RBFOX1: variants seen among roughly 807,000 people sequenced by gnomAD.
RBFOX1 encodes the protein RNA binding protein fox-1 homolog 1.
In RBFOX1, 8 loss-of-function variants were observed where a neutral mutation model predicts 57.7. That is an observed-to-expected ratio of 0.14 (90% CI 0.08 to 0.25). The LOEUF (loss-of-function observed/expected upper bound fraction) is 0.25, where lower values mean the gene tolerates loss of function less well. Among genes scored for constraint, RBFOX1 ranks in the 10% least tolerant of loss-of-function variants. The pLI is 1.00. For missense variants in RBFOX1, 611 were observed against 548.5 expected, an observed-to-expected ratio of 1.11 and a Z score of -1.14; for synonymous variants, 326 against 222.4, an observed-to-expected ratio of 1.47 and a Z score of -4.15.
intron 3 of RBFOX1, among the ~76,000 whole-genome samples, chr16:7,019,944 C>T (rs1221847478): frequency 1.3e-5 from 2 of 152,012 alleles, no homozygotes; most frequent in African/African-American, 4.8e-5. Flanking sequence ...TTGTTCTCTC[C>T]ACCTGAAACT....
chr16:5,493,596 T>C (rs1307367148), intron 2 of RBFOX1, among the ~76,000 whole-genome samples: 1 of 152,232 alleles, frequency 6.6e-6, no homozygotes, highest in East Asian at 1.9e-4. Context: ...CATACACACC[T>C]ATCATGGGCA....
chr16:6,028,835 A>C (rs763707651), intron 1 of RBFOX1, among the ~76,000 whole-genome samples: 1 of 152,216 alleles, frequency 6.6e-6, no homozygotes, highest in Non-Finnish European at 1.5e-5. Flanking sequence ...TTGGAGTCAG[A>C]AAAGCTTTGA....
intron 2 of RBFOX1, among the ~76,000 whole-genome samples, chr16:6,480,642 A>T (rs1051451901): frequency 6.6e-6 from 1 of 152,216 alleles, no homozygotes; most frequent in African/African-American, 2.4e-5. Flanking sequence ...GTACATTCAC[A>T]AATATTTATA....
chr16:7,633,865 G>A (rs2061358532), intron 11 of RBFOX1, among the ~76,000 whole-genome samples: 2 of 152,118 alleles, frequency 1.3e-5, no homozygotes, highest in African/African-American at 4.8e-5. Context: ...GGCTGTTTGT[G>A]GATTGCTGGC....
intron 1 of RBFOX1, chr16:6,057,045 C>G (rs1449364359): frequency 6.6e-6 from 1 of 151,436 alleles, no homozygotes; most frequent in Admixed American, 6.6e-5. Context: ...GAAAGAGATT[C>G]ACGTATGGCT....
chr16:7,544,896 C>A (rs1205421798), intron 5 of RBFOX1, among the ~76,000 whole-genome samples: 1 of 152,154 alleles, frequency 6.6e-6, no homozygotes, highest in African/African-American at 2.4e-5. Context: ...CAGCACCATA[C>A]TGCATTTTGT....
chr16:6,303,832 G>A (rs1385020747), intron 1 of RBFOX1, among the ~76,000 whole-genome samples: 2 of 88,876 alleles, frequency 2.3e-5, no homozygotes, highest in Non-Finnish European at 4.4e-5. Context: ...TTTTTTTTGA[G>A]ATGGAGTCTC....
rs145380695 is a variant in RBFOX1, at chr16:7,502,339, T to C, written c.28-15808T>C. 1.6e-3 allele frequency among the ~76,000 whole-genome samples: 246 copies of C among 152,280 alleles called. 1 individual carries two copies. The highest frequency in any genetic ancestry group is 5.6e-3 in the African/African-American group (233 of 41,564). ...ACCTGCCCTTAAGGAGCTTACAACA[T>C]TGTGGGAGGTCTCTGGTTTCATGTA... On this transcript the variant is annotated intron_variant, in intron 4 of 15. Coordinates refer to ENST00000550418, the MANE Select transcript of RBFOX1 (RefSeq NM_018723.4).
chr16:5,915,511 C>G (rs1346308540), intron 4 of RBFOX1, among the ~76,000 whole-genome samples: 1 of 152,066 alleles, frequency 6.6e-6, no homozygotes, highest in Non-Finnish European at 1.5e-5. Context: ...CAGAGAGGAC[C>G]TACTTTTAGT....
At chr16:5,943,465 A>G (rs2059323438) in intron 4 of RBFOX1, among the ~76,000 whole-genome samples, 2 of 152,176 alleles carry the variant, frequency 1.3e-5, no homozygotes, top group South Asian at 2.1e-4. Context: ...GAAAAATATG[A>G]GGAATTCTCA....
intron 1 of RBFOX1, among the ~76,000 whole-genome samples, chr16:5,412,339 C>T (rs1055145999): frequency 3.3e-5 from 5 of 152,202 alleles, no homozygotes; most frequent in African/African-American, 1.2e-4. Context: ...TCATGCTAGG[C>T]ACAAAGTAAA....
At chr16:6,629,973 TA>T (rs146210467) in intron 2 of RBFOX1, among the ~76,000 whole-genome samples, 64 of 129,964 alleles carry the variant, frequency 4.9e-4, no homozygotes, top group African/African-American at 1.6e-3. Context: ...TTTTTTTTTT[TA>T]AAAAAAAAAA....
intron 3 of RBFOX1, among the ~76,000 whole-genome samples, chr16:6,990,047 T>C (rs1167166176): frequency 7.2e-5 from 11 of 152,116 alleles, no homozygotes; most frequent in African/African-American, 2.7e-4. Context: ...GAAATATGAT[T>C]TAGCTCCCCT....
At chr16:6,731,997 T>C (rs1208335170) in intron 3 of RBFOX1, among the ~76,000 whole-genome samples, 2 of 152,178 alleles carry the variant, frequency 1.3e-5, no homozygotes, top group Non-Finnish European at 2.9e-5. Flanking sequence ...AAGGGAAGAT[T>C]TTTTTTAAAG....
At chr16:5,462,882 C>G (rs1391820279) in intron 1 of RBFOX1, among the ~76,000 whole-genome samples, 4 of 152,014 alleles carry the variant, frequency 2.6e-5, no homozygotes, top group Non-Finnish European at 4.4e-5. Flanking sequence ...ACGAGCCCCA[C>G]GACAAAGAAT....
At chr16:7,018,095 T>C (rs2094005668) in intron 3 of RBFOX1, among the ~76,000 whole-genome samples, 1 of 152,036 alleles carries the variant, frequency 6.6e-6, no homozygotes, top group Non-Finnish European at 1.5e-5. Flanking sequence ...CCAGCTGTTT[T>C]CTCTCTGTGG....
At chr16:7,664,791 A>C (rs2068747112) in intron 12 of RBFOX1, 138 bp from the exon 13 acceptor site, 3 of 1,520,624 alleles carry the variant, frequency 2.0e-6, no homozygotes, top group Non-Finnish European at 2.7e-6. Flanking sequence ...CAACCTCCTT[A>C]ATCCAATGTG....
At chr16:6,256,203 G>GTATATGTATATGTATA (rs1555582380) in intron 1 of RBFOX1, among the ~76,000 whole-genome samples, 3 of 41,202 alleles carry the variant, frequency 7.3e-5, no homozygotes, top group African/African-American at 2.2e-4. Flanking sequence ...ATATGTATAT[G>GTATATGTATATGTATA]TATATGTGTA....
intron 5 of RBFOX1, among the ~76,000 whole-genome samples, chr16:7,555,586 G>A (rs1166990541): frequency 6.6e-6 from 1 of 152,154 alleles, no homozygotes. Context: ...AGACCTGCGT[G>A]ACCTGTTTCT....
Sources: gnomAD v4.1 joint callset for allele counts (sites outside exome capture counted in the v4.1 genomes callset) on GRCh38, gnomAD v4.1.1 for gene constraint, MANE v1.5 for transcripts, NCBI Gene and HGNC (gene_info 2026-07-23, HGNC 2026-07-21) for gene names.